Variants in PRKCQ observed in about 807,000 individuals in gnomAD.
The protein encoded by PRKCQ is protein kinase C theta, also known as protein kinase C theta type.
PRKCQ carries 41 observed loss-of-function variants against 91.2 expected under a neutral mutation model. The observed-to-expected ratio is 0.45, with a 90% CI of 0.35 to 0.58. The LOEUF is 0.58. Ranked by LOEUF, PRKCQ falls within the 20% of genes least tolerant of loss-of-function variation. The pLI is 0.00. For synonymous variants in PRKCQ, 307 were observed against 316.9 expected (o/e 0.97, Z 0.33); for missense variants, 673 against 896.5 (o/e 0.75, Z 3.18).
downstream of PRKCQ, among the ~76,000 whole-genome samples, chr10:6,423,806 A>C (rs1833058891): frequency 6.6e-6 from 1 of 152,122 alleles, no homozygotes; most frequent in Non-Finnish European, 1.5e-5. Flanking sequence ...AAAATTCTTC[A>C]GGAGAGAGGA....
chr10:6,555,526 GAAA>G (rs1287079965), intron 1 of PRKCQ, among the ~76,000 whole-genome samples: 2 of 152,056 alleles, frequency 1.3e-5, no homozygotes, highest in African/African-American at 4.8e-5. Context: ...TTGGATGGGG[GAAA>G]AAAGACATTC....
intron 1 of PRKCQ, among the ~76,000 whole-genome samples, chr10:6,579,287 C>G (rs551403230): frequency 1.2e-4 from 19 of 152,270 alleles, no homozygotes; most frequent in African/African-American, 4.6e-4. Context: ...GCTCCCTCTT[C>G]CCTCCACCTT....
chr10:6,509,543 G>A (rs1203682236), intron 3 of PRKCQ, among the ~76,000 whole-genome samples: 1 of 152,130 alleles, frequency 6.6e-6, no homozygotes, highest in Non-Finnish European at 1.5e-5. Flanking sequence ...CAAGTAGCTG[G>A]GATTACAGGC....
intron 1 of PRKCQ, among the ~76,000 whole-genome samples, chr10:6,569,268 G>C (rs1840946357): frequency 6.6e-6 from 1 of 152,098 alleles, no homozygotes; most frequent in African/African-American, 2.4e-5. Context: ...GCCAAGTCCT[G>C]ATGTGGAGGA....
At chr10:6,472,426 C>T (rs1156448654) in intron 12 of PRKCQ, among the ~76,000 whole-genome samples, 1 of 152,138 alleles carries the variant, frequency 6.6e-6, no homozygotes. Context: ...CACTCATTGC[C>T]CGTTATTTCC....
intron 5 of PRKCQ, among the ~76,000 whole-genome samples, 172 bp downstream of exon 5, chr10:6,498,224 T>C (rs1335268768): frequency 6.6e-6 from 1 of 151,968 alleles, no homozygotes; most frequent in African/African-American, 2.4e-5. Context: ...TGCACCTCTT[T>C]TATTGGATCA....
At chr10:6,441,421 T>A (rs1427286801) in intron 16 of PRKCQ, among the ~76,000 whole-genome samples, 1 of 151,836 alleles carries the variant, frequency 6.6e-6, no homozygotes, top group African/African-American at 2.4e-5. Flanking sequence ...GGATTACAGG[T>A]GTGAGCTACT....
Position 6,464,408 on chromosome 10 carries a change from TG to T in PRKCQ, c.1354-5del, listed in dbSNP as rs770721547. The T allele has an allele frequency of 2.5e-6, 4 of 1,588,430 alleles. No homozygotes were observed. In the East Asian group the frequency reaches 8.9e-5, roughly 35 times the overall value. Reference sequence around the variant, plus strand: ...CCATCACAAAAAAGAGGTTTTCCTGTGGAAAAACAAAACAATTCCAACTTTT... The same window carrying T: ...CCATCACAAAAAAGAGGTTTTCCTGTGAAAAACAAAACAATTCCAACTTTT... On this transcript the variant is annotated splice_polypyrimidine_tract_variant and splice_region_variant and intron_variant, in intron 12 of 17. Coordinates refer to ENST00000263125, the MANE Select transcript of PRKCQ (RefSeq NM_006257.5).
Position 6,491,831 on chromosome 10 carries a change from G to A in PRKCQ, c.661-19C>T. On this transcript the variant is annotated intron_variant, in intron 7 of 17. Transcript: ENST00000263125. ...TGTGGAACTGAAAGAAAGGCAGAAG[G>A]TGAAATCTGTGTATTCCTGGGGCCC... 6.2e-7 allele frequency: 1 copy of A among 1,614,142 alleles called. No individual in the cohort carries two copies. Among genetic ancestry groups the A allele is most frequent in the Non-Finnish European group, 8.5e-7 (1 of 1,179,980 alleles).
intron 15 of PRKCQ, among the ~76,000 whole-genome samples, chr10:6,451,323 C>T (rs1170323147): frequency 6.6e-6 from 1 of 152,026 alleles, no homozygotes; most frequent in African/African-American, 2.4e-5. Context: ...ACTAGAAAAT[C>T]TAGAAGAAAC....
At chr10:6,452,100 T>C (rs1834723612) in intron 15 of PRKCQ, among the ~76,000 whole-genome samples, 1 of 152,034 alleles carries the variant, frequency 6.6e-6, no homozygotes, top group South Asian at 2.1e-4. Flanking sequence ...GAGAAGGAAA[T>C]AAAGGGTATT....
intron 15 of PRKCQ, among the ~76,000 whole-genome samples, chr10:6,446,423 T>C (rs1254916170): frequency 7.2e-6 from 1 of 138,086 alleles, no homozygotes; most frequent in Non-Finnish European, 1.5e-5. Flanking sequence ...TGGAGTGCAG[T>C]GGCGCGATCT....
chr10:6,463,728 C>T lies in PRKCQ; in HGVS notation c.1445+585G>A, dbSNP rs371212190. 2.0e-5 allele frequency among the ~76,000 whole-genome samples: 3 copies of T among 152,344 alleles called. No homozygotes were observed. The East Asian group carries it at 5.8e-4, about 29-fold the overall frequency. ...AGCCCAGTGGCAGAGCTTTCTTTTA[C>T]TTGCATGTCATGGGGAGCAGGAAGT... On this transcript the variant is annotated intron_variant, in intron 13 of 17. Coordinates refer to ENST00000263125, the MANE Select transcript of PRKCQ (RefSeq NM_006257.5).
At chr10:6,492,215 G>A (rs189156713) in intron 7 of PRKCQ, among the ~76,000 whole-genome samples, 2 of 146,050 alleles carry the variant, frequency 1.4e-5, no homozygotes, top group Admixed American at 1.4e-4. Flanking sequence ...TCCAGAACTA[G>A]TGCTTTTAAC....
chr10:6,479,767 TAA>T lies in PRKCQ; in HGVS notation c.1180-604_1180-603del, dbSNP rs34610362. Reference sequence around the variant, plus strand: ...CAACATGGTGAAACCCCGTCTCGACTAAAAAAAAAAAAAAAAAAAAAAAAAAA... The same window carrying T: ...CAACATGGTGAAACCCCGTCTCGACTAAAAAAAAAAAAAAAAAAAAAAAAA... On this transcript the variant is annotated intron_variant, in intron 11 of 17. Coordinates refer to ENST00000263125, the MANE Select transcript of PRKCQ (RefSeq NM_006257.5). 9.4e-3 allele frequency among the ~76,000 whole-genome samples: 365 copies of T among 38,992 alleles called. 4 individuals are homozygous for T. Among genetic ancestry groups the T allele is most frequent in the Middle Eastern group, 0.028 (1 of 36 alleles). The allele number at this position is 38,992 out of a possible 152,430, so 25.6% of individuals were successfully genotyped here. A position where few individuals can be genotyped will look rare whatever the true frequency, so the allele number is the denominator to read the frequency against.
chr10:6,492,602 C>A (rs1837380752), intron 7 of PRKCQ, among the ~76,000 whole-genome samples: 1 of 152,106 alleles, frequency 6.6e-6, no homozygotes, highest in African/African-American at 2.4e-5. Flanking sequence ...TCTTTTCTGT[C>A]TCAAAATAAA....
chr10:6,460,653 A>C (rs1835271978), intron 14 of PRKCQ, among the ~76,000 whole-genome samples: 1 of 152,082 alleles, frequency 6.6e-6, no homozygotes, highest in African/African-American at 2.4e-5. Flanking sequence ...CACTACACCC[A>C]GCTAATTTTT....
chr10:6,554,987 T>C (rs1015494299), intron 1 of PRKCQ, among the ~76,000 whole-genome samples: 2 of 152,186 alleles, frequency 1.3e-5, no homozygotes, highest in Non-Finnish European at 2.9e-5. Context: ...AGCAACATGA[T>C]TGCAGCTAGA....
At chr10:6,425,057 C>T (rs1833082938), downstream of PRKCQ, among the ~76,000 whole-genome samples, 2 of 152,130 alleles carry the variant, frequency 1.3e-5, no homozygotes, top group Admixed American at 1.3e-4. Flanking sequence ...AGGAAGTCCA[C>T]TTAAAACTTT....
Sources: gnomAD v4.1 joint callset for allele counts (sites outside exome capture counted in the v4.1 genomes callset) on GRCh38, gnomAD v4.1.1 for gene constraint, MANE v1.5 for transcripts, NCBI Gene and HGNC (gene_info 2026-07-23, HGNC 2026-07-21) for gene names.